ZSWIM6: variants seen among roughly 807,000 people sequenced by gnomAD.
ZSWIM6 encodes the protein zinc finger SWIM domain-containing protein 6.
A neutral mutation model predicts 113.2 loss-of-function variants in ZSWIM6; 9 were observed. The ratio of observed to expected loss-of-function variants is 0.08; its 90% confidence interval spans 0.05 to 0.14. The LOEUF (loss-of-function observed/expected upper bound fraction) is 0.14, where lower values mean the gene tolerates loss of function less well. Ranked by LOEUF, ZSWIM6 falls within the 10% of genes least tolerant of loss-of-function variation. ZSWIM6 has a pLI of 1.00. For synonymous variants in ZSWIM6, 611 were observed against 606.5 expected (o/e 1.01, Z -0.11); for missense variants, 1,162 against 1,552.2 (o/e 0.75, Z 4.22).
chr5:61,353,155 G>A (rs570121825), intron 1 of ZSWIM6, among the ~76,000 whole-genome samples: 5 of 152,302 alleles, frequency 3.3e-5, no homozygotes, highest in Non-Finnish European at 5.9e-5. Context: ...CTGTCTCAAA[G>A]TGGTCTTGGA....
intron 1 of ZSWIM6, among the ~76,000 whole-genome samples, chr5:61,338,406 C>G (rs1186713978): frequency 1.3e-5 from 2 of 152,110 alleles, no homozygotes; most frequent in South Asian, 4.1e-4. Flanking sequence ...TCAGATCCTA[C>G]CCTTTTTCTG....
chr5:61,454,277 A>AGAC (rs1747152444), intron 1 of ZSWIM6, among the ~76,000 whole-genome samples: 1 of 112,208 alleles, frequency 8.9e-6, no homozygotes, highest in Non-Finnish European at 1.8e-5. Context: ...TTTATTTTTG[A>AGAC]GACGAGTCCT....
chr5:61,464,388 G>C (rs868565859), intron 1 of ZSWIM6, among the ~76,000 whole-genome samples: 3 of 151,764 alleles, frequency 2.0e-5, no homozygotes, highest in African/African-American at 7.3e-5. Flanking sequence ...TTTATTATTC[G>C]AATTGTAGAA....
rs16892374 is a variant in ZSWIM6 at position 61,544,080 on chromosome 5, C to T, written c.3411C>T (p.Pro1137=). The change falls in exon 14 of 14, where the codon CCC becomes CCT. Residue 1137 remains proline (P), a synonymous_variant. Transcript: ENST00000252744. ...SGKLMSLDKA[P]LRQLLDATIG... is the part of the protein sequence containing the mutation. ...AGCTCATGTCACTGGACAAAGCCCCCTTGAGGCAACTCTTGGATGCCACGA... is the reference window on the plus strand; with the variant it reads ...AGCTCATGTCACTGGACAAAGCCCCTTTGAGGCAACTCTTGGATGCCACGA... 6.4e-7 allele frequency: 1 copy of T among 1,551,930 alleles called. No homozygotes were observed. The highest frequency in any genetic ancestry group is 1.2e-5 in the South Asian group (1 of 84,048).
intron 4 of ZSWIM6, among the ~76,000 whole-genome samples, chr5:61,504,236 G>A (rs1359251171): frequency 1.3e-5 from 2 of 152,130 alleles, no homozygotes; most frequent in Non-Finnish European, 2.9e-5. Flanking sequence ...GGGTGCCTGT[G>A]TGTGCCTGGA....
chr5:61,542,048 C>A, intron 13 of ZSWIM6, 83 bp downstream of exon 13: 4 of 1,274,706 alleles, frequency 3.1e-6, no homozygotes, highest in Admixed American at 2.1e-5. Context: ...TGAACATATT[C>A]ACTCTTTTAT....
chr5:61,452,009 C>G (rs1747095418), intron 1 of ZSWIM6, among the ~76,000 whole-genome samples: 1 of 152,070 alleles, frequency 6.6e-6, no homozygotes, highest in African/African-American at 2.4e-5. Flanking sequence ...GCTACTCAAC[C>G]TTAACAATGT....
In ZSWIM6 at chr5:61,495,559, C is replaced by T. The variant is rs111350639; in HGVS notation, c.1333+1149C>T. On this transcript the variant is annotated intron_variant, in intron 4 of 13. Transcript: ENST00000252744. ...ATCTTGTAATAACTTAATCTTGCTG[C>T]TTTCTGTGAGTCTCCTGAAATAATG... 2.6e-4 allele frequency among the ~76,000 whole-genome samples: 39 copies of T among 152,228 alleles called. 1 individual carries two copies. The highest frequency in any genetic ancestry group is 9.4e-4 in the African/African-American group (39 of 41,548).
chr5:61,467,908 C>T (rs966030990), intron 1 of ZSWIM6, among the ~76,000 whole-genome samples: 9 of 152,278 alleles, frequency 5.9e-5, no homozygotes, highest in Middle Eastern at 6.8e-3. Flanking sequence ...GCCACCTCCA[C>T]GGGCTAGACC....
In ZSWIM6 at chr5:61,424,790, C is replaced by T. The variant is rs148548623; in HGVS notation, c.677-47891C>T. ...TCACCCAGACTGGAGTGCAGTGGTGCGATCTCGGCTCACTGTAACCTATGC... is the reference window on the plus strand; with the variant it reads ...TCACCCAGACTGGAGTGCAGTGGTGTGATCTCGGCTCACTGTAACCTATGC... On this transcript the variant is annotated intron_variant, in intron 1 of 13. Transcript: ENST00000252744. 8.2e-3 allele frequency among the ~76,000 whole-genome samples: 1,195 copies of T among 144,978 alleles called. 13 individuals carry two copies. Among genetic ancestry groups the T allele is most frequent in the African/African-American group, 0.029 (1,113 of 38,888 alleles).
intron 1 of ZSWIM6, among the ~76,000 whole-genome samples, chr5:61,365,197 C>A (rs1745125399): frequency 6.6e-6 from 1 of 151,942 alleles, no homozygotes; most frequent in Non-Finnish European, 1.5e-5. Context: ...ACTAAAAATA[C>A]AAAAATTAGC....
intron 1 of ZSWIM6, among the ~76,000 whole-genome samples, chr5:61,400,067 A>G (rs375646759): frequency 7.2e-5 from 11 of 152,242 alleles, no homozygotes; most frequent in African/African-American, 2.4e-4. Flanking sequence ...ACAGGTCGCC[A>G]TTACATCTCC....
rs190844421 is a variant in ZSWIM6, at chr5:61,398,431, G to C, written c.676+65483G>C. On this transcript the variant is annotated intron_variant, in intron 1 of 13. Transcript: ENST00000252744. ...ATGGAAAAATTGTCTTTCATGAATC[G>C]GTCCCTGGTGCCGAAAAGGTTGGGG... 2.4e-3 allele frequency among the ~76,000 whole-genome samples: 364 copies of C among 152,144 alleles called. 4 individuals are homozygous for C. Among genetic ancestry groups the C allele is most frequent in the African/African-American group, 8.5e-3 (351 of 41,480 alleles).
chr5:61,432,499 C>T (rs1014502448), intron 1 of ZSWIM6, among the ~76,000 whole-genome samples: 9 of 152,218 alleles, frequency 5.9e-5, no homozygotes, highest in African/African-American at 9.6e-5. Flanking sequence ...GGGCACCAAA[C>T]GATTTGGGTT....
Position 61,496,618 on chromosome 5 carries a change from G to T in ZSWIM6, c.1333+2208G>T, listed in dbSNP as rs184112739. Among the ~76,000 whole-genome samples the T allele has an allele frequency of 3.2e-4, 49 of 152,186 alleles. No homozygotes were observed. In the Middle Eastern group the frequency reaches 0.021, roughly 64 times the overall value. ...ATCTGCAAGTTAATTGGTGTTTTCT[G>T]CAGGCTTCTGGCTGTGAAATGAAAT... On this transcript the variant is annotated intron_variant, in intron 4 of 13. Transcript: ENST00000252744.
At chr5:61,437,638 G>T (rs1250428215) in intron 1 of ZSWIM6, among the ~76,000 whole-genome samples, 1 of 150,112 alleles carries the variant, frequency 6.7e-6, no homozygotes, top group Non-Finnish European at 1.5e-5. Context: ...GGGAGCTTGA[G>T]CCTGGGAGGT....
At chr5:61,457,508 C>T (rs1054285628) in intron 1 of ZSWIM6, among the ~76,000 whole-genome samples, 1 of 151,776 alleles carries the variant, frequency 6.6e-6, no homozygotes, top group Non-Finnish European at 1.5e-5. Context: ...AATAAGTGGC[C>T]CCTCTATCTT....
chr5:61,513,804 G>A (rs1458568823), intron 4 of ZSWIM6, among the ~76,000 whole-genome samples: 3 of 151,960 alleles, frequency 2.0e-5, no homozygotes, highest in Non-Finnish European at 2.9e-5. Context: ...ACTCTATTCT[G>A]TTCCTTTGAT....
In ZSWIM6 at chr5:61,544,983, G is replaced by C. The variant is rs1430731370; in HGVS notation, c.*666G>C. 6.6e-6 allele frequency: 1 copy of C among 151,846 alleles called. No individual in the cohort carries two copies. The highest frequency in any genetic ancestry group is 1.5e-5 in the Non-Finnish European group (1 of 67,996). The allele number at this position is 151,846 out of a possible 1,614,324, so 9.4% of individuals were successfully genotyped here. On this transcript the variant is annotated 3_prime_UTR_variant, in exon 14 of 14. Transcript: ENST00000252744. ...GTACTGTATATATATTATAGTATAT[G>C]TCTGAATATTGAAAATATAACATTA...
Sources: gnomAD v4.1 joint callset for allele counts (sites outside exome capture counted in the v4.1 genomes callset) on GRCh38, gnomAD v4.1.1 for gene constraint, MANE v1.5 for transcripts, NCBI Gene and HGNC (gene_info 2026-07-23, HGNC 2026-07-21) for gene names.